ELOVL4: variants seen among roughly 807,000 people sequenced by gnomAD.
ELOVL4 encodes ELOVL fatty acid elongase 4.
In ELOVL4, 18 loss-of-function variants were observed where a neutral mutation model predicts 42.1. That is an observed-to-expected ratio of 0.43 (90% CI 0.30 to 0.63). ELOVL4 has a LOEUF of 0.63. Among genes scored for constraint, ELOVL4 ranks in the 30% least tolerant of loss-of-function variants. The pLI is 0.15. For missense variants in ELOVL4, 299 were observed against 376.2 expected (o/e 0.79, Z 1.70); for synonymous variants, 117 against 127.0 (o/e 0.92, Z 0.53).
intron 1 of ELOVL4, among the ~76,000 whole-genome samples, chr6:79,937,447 G>A (rs917327486): frequency 2.5e-4 from 38 of 152,136 alleles, no homozygotes; most frequent in African/African-American, 8.9e-4. Flanking sequence ...TCGAGCTGAA[G>A]GCTGGTTACC....
intron 1 of ELOVL4, among the ~76,000 whole-genome samples, chr6:79,936,614 T>C (rs1321256704): frequency 2.0e-5 from 3 of 152,234 alleles, no homozygotes; most frequent in African/African-American, 7.2e-5. Flanking sequence ...CAATGAAAAC[T>C]GTAGACAACG....
intron 5 of ELOVL4, 75 bp downstream of exon 5, chr6:79,919,345 T>C (rs1774211576): frequency 1.3e-6 from 2 of 1,526,018 alleles, no homozygotes; most frequent in Non-Finnish European, 1.8e-6. Context: ...TAAAATGACA[T>C]TGCACTTTAA....
chr6:79,947,101 G>A lies in ELOVL4; in HGVS notation c.100+79C>T. 4 of 1,216,702 alleles carry A rather than the reference G, an allele frequency of 3.3e-6. 1 individual carries two copies. The highest frequency in any genetic ancestry group is 2.6e-5 in the South Asian group (2 of 78,350). 75.4% of individuals were successfully genotyped at this position (1,216,702 alleles called of 1,614,324 possible). On this transcript the variant is annotated intron_variant, in intron 1 of 5. Coordinates refer to ENST00000369816, the MANE Select transcript of ELOVL4 (RefSeq NM_022726.4). Reference sequence around the variant, plus strand: ...GCAGGGCGCGGGGGCCTGTGGGGCCGGGCCCGGGAGCTGCGAGACCAGGGG... The same window carrying A: ...GCAGGGCGCGGGGGCCTGTGGGGCCAGGCCCGGGAGCTGCGAGACCAGGGG...
rs1582044075 is a variant in ELOVL4, at chr6:79,918,897, C to A, written c.669+523G>T. Among the ~76,000 whole-genome samples, 10 of 152,304 alleles carry A rather than the reference C, an allele frequency of 6.6e-5. 2 individuals carry two copies. The highest frequency in any genetic ancestry group is 6.5e-4 in the Admixed American group (10 of 15,294). ...GTGTTTTAGAGAATTACAAGGAGTT[C>A]TCTTGCCCTTATTCCCTTCCTTTGC... On this transcript the variant is annotated intron_variant, in intron 5 of 5. Transcript: ENST00000369816.
intron 1 of ELOVL4, among the ~76,000 whole-genome samples, chr6:79,927,929 C>T (rs1774371427): frequency 6.6e-6 from 1 of 152,080 alleles, no homozygotes; most frequent in South Asian, 2.1e-4. Context: ...TAAAAGATAG[C>T]ACGGCTGACT....
In ELOVL4 at chr6:79,916,788, T is replaced by G. The variant is rs2127697597; in HGVS notation, c.765A>C (p.Ala255=). The part of the protein sequence containing the change: ...KWMHWALIAY[A]ISFIFLFLNF... ...TAAGAAAGAGAAATATGAAGCTGAT[T>G]GCATAGGCAATTAGAGCCCAGTGCA... The change falls in exon 6 of 6, where the codon GCA becomes GCC. Residue 255 remains alanine, a synonymous_variant. Transcript: ENST00000369816. The G allele has an allele frequency of 6.2e-7, 1 of 1,614,194 alleles. No homozygotes were observed. The highest frequency in any genetic ancestry group is 8.5e-7 in the Non-Finnish European group (1 of 1,180,022).
At chr6:79,947,125 G>A in intron 1 of ELOVL4, 55 bp downstream of exon 1, 4 of 1,434,816 alleles carry the variant, frequency 2.8e-6, no homozygotes, top group Non-Finnish European at 2.9e-6. Context: ...CGAGACCAGG[G>A]GCCGGTGACC....
intron 1 of ELOVL4, among the ~76,000 whole-genome samples, chr6:79,943,882 C>T (rs1030371816): frequency 3.3e-5 from 5 of 152,286 alleles, no homozygotes; most frequent in African/African-American, 1.2e-4. Context: ...AAGTTATGTT[C>T]TAACTGCAAC....
intron 1 of ELOVL4, among the ~76,000 whole-genome samples, chr6:79,933,986 T>A (rs1022844342): frequency 1.7e-4 from 26 of 152,250 alleles, no homozygotes; most frequent in Non-Finnish European, 7.3e-5. Context: ...AGTGAAGTCA[T>A]GATCCATAAC....
At chr6:79,927,679 A>C (rs1774366847) in intron 1 of ELOVL4, among the ~76,000 whole-genome samples, 1 of 152,212 alleles carries the variant, frequency 6.6e-6, no homozygotes, top group Non-Finnish European at 1.5e-5. Flanking sequence ...TAAGAAGGTG[A>C]GCTATTGCTT....
chr6:79,941,571 G>A (rs1774645209), intron 1 of ELOVL4, among the ~76,000 whole-genome samples: 1 of 152,068 alleles, frequency 6.6e-6, no homozygotes, highest in African/African-American at 2.4e-5. Flanking sequence ...TTCTTTTAAA[G>A]AACTCTCTGG....
At chr6:79,936,110 C>G (rs757072637) in intron 1 of ELOVL4, among the ~76,000 whole-genome samples, 2 of 152,122 alleles carry the variant, frequency 1.3e-5, no homozygotes, top group Non-Finnish European at 2.9e-5. Context: ...AGATTCTATC[C>G]GAATAAATCA....
Position 79,916,827 on chromosome 6 carries a change from G to C in ELOVL4, c.726C>G (p.Pro242=). 3 of 1,614,182 alleles carry C rather than the reference G, an allele frequency of 1.9e-6. No homozygotes were observed. Among genetic ancestry groups the C allele is most frequent in the East Asian group, 2.2e-5 (1 of 44,878 alleles). Reference sequence around the variant, plus strand: ...GAGCCCAGTGCATCCATTTGGGGAAGGGGCAGTCAGTGTAAAGAGACAGTG... The same window carrying C: ...GAGCCCAGTGCATCCATTTGGGGAACGGGCAGTCAGTGTAAAGAGACAGTG... ...HTALSLYTDC[P]FPKWMHWALI... is the part of the protein sequence containing the mutation. The change falls in exon 6 of 6, where the codon CCC becomes CCG. Residue 242 remains proline (P), a synonymous_variant. Transcript: ENST00000369816.
chr6:79,921,260 G>A (rs1165271612), intron 4 of ELOVL4, among the ~76,000 whole-genome samples: 2 of 151,964 alleles, frequency 1.3e-5, no homozygotes, highest in African/African-American at 2.4e-5. Flanking sequence ...AAGAGATCGA[G>A]ACCATCCTGG....
chr6:79,928,727 GTTTTTTTTTTTT>G (rs34673896), intron 1 of ELOVL4, among the ~76,000 whole-genome samples: 5 of 75,582 alleles, frequency 6.6e-5, no homozygotes, highest in East Asian at 3.5e-4. Context: ...TGGTGACTGG[GTTTTTTTTTTTT>G]TTTTTTTTTT....
At chr6:79,934,672 C>G (rs1774513475) in intron 1 of ELOVL4, among the ~76,000 whole-genome samples, 1 of 152,090 alleles carries the variant, frequency 6.6e-6, no homozygotes, top group African/African-American at 2.4e-5. Flanking sequence ...ATCAGACTTA[C>G]CAGCATTAGA....
intron 1 of ELOVL4, among the ~76,000 whole-genome samples, chr6:79,933,663 A>G (rs1376904918): frequency 2.0e-5 from 3 of 152,188 alleles, no homozygotes; most frequent in African/African-American, 7.2e-5. Context: ...TACCCATGTA[A>G]GAATCATGTG....
At chr6:79,923,027 T>A (rs1472482800) in intron 3 of ELOVL4, among the ~76,000 whole-genome samples, 1 of 152,196 alleles carries the variant, frequency 6.6e-6, no homozygotes, top group South Asian at 2.1e-4. Context: ...TGTCACCATT[T>A]TGGCATCGTA....
chr6:79,917,941 A>C (rs1774188790), intron 5 of ELOVL4, among the ~76,000 whole-genome samples: 1 of 152,226 alleles, frequency 6.6e-6, no homozygotes, highest in South Asian at 2.1e-4. Context: ...TGAGATGATT[A>C]AAATGAAATA....
Sources: gnomAD v4.1 joint callset for allele counts (sites outside exome capture counted in the v4.1 genomes callset) on GRCh38, gnomAD v4.1.1 for gene constraint, MANE v1.5 for transcripts, NCBI Gene and HGNC (gene_info 2026-07-23, HGNC 2026-07-21) for gene names.